The following STXBP5L variants were observed in gnomAD, a reference collection of about 807,000 sequenced individuals.
STXBP5L encodes the protein syntaxin binding protein 5L.
In STXBP5L, 65 loss-of-function variants were observed where a neutral mutation model predicts 144.5. The ratio of observed to expected loss-of-function variants is 0.45; its 90% CI spans 0.37 to 0.55. The LOEUF (loss-of-function observed/expected upper bound fraction) is 0.55. STXBP5L is among the 20% of genes least tolerant of loss of function. STXBP5L has a pLI of 0.00. For missense variants in STXBP5L, 1,298 were observed against 1,405.5 expected (o/e 0.92, Z 1.22); for synonymous variants, 505 against 469.6 (o/e 1.08, Z -0.97).
At chr3:121,017,322 A>G (rs947360021) in intron 3 of STXBP5L, among the ~76,000 whole-genome samples, 2 of 152,232 alleles carry the variant, frequency 1.3e-5, no homozygotes, top group African/African-American at 2.4e-5. Context: ...CCAAGAACCT[A>G]CAGCAACATT....
At chr3:121,059,741 T>C (rs952479080) in intron 5 of STXBP5L, among the ~76,000 whole-genome samples, 2 of 152,196 alleles carry the variant, frequency 1.3e-5, no homozygotes, top group South Asian at 2.1e-4. Context: ...GTAGCAATGG[T>C]GAATGGGAAT....
chr3:121,087,359 C>T (rs2042548491), intron 5 of STXBP5L, among the ~76,000 whole-genome samples: 1 of 151,878 alleles, frequency 6.6e-6, no homozygotes, highest in Non-Finnish European at 1.5e-5. Context: ...ATTTTGCAGC[C>T]TGTTTGGTGC....
intron 9 of STXBP5L, among the ~76,000 whole-genome samples, chr3:121,184,969 C>T (rs944903960): frequency 2.0e-5 from 3 of 152,066 alleles, no homozygotes; most frequent in Non-Finnish European, 4.4e-5. Context: ...CAAATAGTTT[C>T]ATAAGCAAAG....
intron 24 of STXBP5L, among the ~76,000 whole-genome samples, chr3:121,414,355 G>T (rs549435322): frequency 6.6e-6 from 1 of 152,260 alleles, no homozygotes; most frequent in Admixed American, 6.5e-5. Context: ...AAGGGAGGTG[G>T]TTTAACCCGT....
At chr3:121,345,112 G>A (rs953053419) in intron 20 of STXBP5L, among the ~76,000 whole-genome samples, 6 of 151,788 alleles carry the variant, frequency 4.0e-5, no homozygotes, top group South Asian at 2.1e-4. Context: ...TGCACCCATC[G>A]ACTCATTATT....
intron 10 of STXBP5L, among the ~76,000 whole-genome samples, chr3:121,220,801 GCTTGAC>G (rs2048950922): frequency 1.3e-5 from 2 of 152,002 alleles, no homozygotes; most frequent in South Asian, 4.1e-4. Flanking sequence ...CTCACTAGCT[GCTTGAC>G]CCTGGACAAG....
intron 2 of STXBP5L, among the ~76,000 whole-genome samples, chr3:120,929,727 T>G (rs953258211): frequency 2.0e-5 from 3 of 152,162 alleles, no homozygotes; most frequent in African/African-American, 7.2e-5. Context: ...TAGTAGTATA[T>G]AACTGTCAGT....
chr3:121,370,758 C>A (rs746690965), intron 20 of STXBP5L, among the ~76,000 whole-genome samples: 6 of 152,188 alleles, frequency 3.9e-5, no homozygotes, highest in Non-Finnish European at 8.8e-5. Flanking sequence ...GAAAGCCAGA[C>A]TTCAAGCTCT....
chr3:121,134,579 T>C (rs1046113070), intron 7 of STXBP5L, among the ~76,000 whole-genome samples: 3 of 149,448 alleles, frequency 2.0e-5, no homozygotes, highest in African/African-American at 7.3e-5. Context: ...TAACAGGCCC[T>C]GGTGTGTGAT....
At chr3:121,157,875 G>C (rs906920598) in intron 9 of STXBP5L, 4 of 404,106 alleles carry the variant, frequency 9.9e-6, no homozygotes, top group Non-Finnish European at 1.7e-5. Context: ...CCAAAAATTG[G>C]ATAATGGATG....
chr3:121,292,450 A>T (rs1022696297), intron 19 of STXBP5L, among the ~76,000 whole-genome samples: 2 of 152,224 alleles, frequency 1.3e-5, no homozygotes, highest in Non-Finnish European at 1.5e-5. Flanking sequence ...AGGAATGTAA[A>T]CTACTACAAC....
intron 20 of STXBP5L, among the ~76,000 whole-genome samples, chr3:121,351,682 T>C (rs537564680): frequency 6.6e-6 from 1 of 152,268 alleles, no homozygotes; most frequent in African/African-American, 2.4e-5. Flanking sequence ...GTGCAGAAGC[T>C]CTTTAGTTTA....
chr3:121,340,302 AT>A (rs1173808038), intron 20 of STXBP5L, among the ~76,000 whole-genome samples: 1 of 151,996 alleles, frequency 6.6e-6, no homozygotes, highest in Non-Finnish European at 1.5e-5. Flanking sequence ...ATGGAATATT[AT>A]TTTTTTCAAG....
chr3:121,402,938 T>C (rs1378136840), intron 22 of STXBP5L, among the ~76,000 whole-genome samples: 1 of 152,100 alleles, frequency 6.6e-6, no homozygotes, highest in Non-Finnish European at 1.5e-5. Context: ...CAAACGATCC[T>C]CCCATCTCAG....
intron 3 of STXBP5L, among the ~76,000 whole-genome samples, chr3:121,033,966 T>C (rs1946570155): frequency 1.3e-5 from 2 of 152,126 alleles, no homozygotes; most frequent in African/African-American, 2.4e-5. Context: ...CATTTCTATG[T>C]TTTTAAAAAT....
At chr3:121,093,114 G>T (rs180754292) in intron 5 of STXBP5L, among the ~76,000 whole-genome samples, 7 of 152,318 alleles carry the variant, frequency 4.6e-5, no homozygotes, top group Admixed American at 4.6e-4. Flanking sequence ...GCATCCCAGG[G>T]ATGAAGCCCA....
chr3:121,149,333 C>G (rs970381421), intron 7 of STXBP5L, among the ~76,000 whole-genome samples: 1 of 152,048 alleles, frequency 6.6e-6, no homozygotes, highest in African/African-American at 2.4e-5. Flanking sequence ...ATCTCTCTCT[C>G]TCTCTTTCTA....
chr3:121,254,740 G>C (rs2050150775), intron 15 of STXBP5L, among the ~76,000 whole-genome samples, 155 bp from the exon 16 acceptor site: 1 of 152,114 alleles, frequency 6.6e-6, no homozygotes, highest in Non-Finnish European at 1.5e-5. Context: ...GTACTGATAT[G>C]AAAGCGTGGC....
intron 20 of STXBP5L, among the ~76,000 whole-genome samples, chr3:121,368,162 C>T (rs2045923655): frequency 6.6e-6 from 1 of 151,798 alleles, no homozygotes; most frequent in Non-Finnish European, 1.5e-5. Flanking sequence ...CTCTGTTCAC[C>T]ATTTTGAATT....
Sources: allele counts gnomAD v4.1 joint callset (sites outside exome capture counted in the v4.1 genomes callset), GRCh38; gene constraint gnomAD v4.1.1; transcripts MANE v1.5; gene names NCBI Gene and HGNC (gene_info 2026-07-23, HGNC 2026-07-21).